SLCO3A1: variants seen among roughly 807,000 people sequenced by gnomAD.
The protein encoded by SLCO3A1 is PGE1 transporter.
SLCO3A1 carries 27 observed loss-of-function variants against 63.1 expected under a neutral mutation model. The ratio of observed to expected loss-of-function variants is 0.43; its 90% CI spans 0.32 to 0.59. SLCO3A1 has a LOEUF of 0.59. Ranked by LOEUF, SLCO3A1 falls within the 20% of genes least tolerant of loss-of-function variation. The pLI is 0.09. For synonymous variants in SLCO3A1, 473 were observed against 409.9 expected (o/e 1.15, Z -1.86); for missense variants, 773 against 945.8 (o/e 0.82, Z 2.40).
intron 2 of SLCO3A1, among the ~76,000 whole-genome samples, chr15:92,062,111 A>G (rs187749964): frequency 3.7e-4 from 57 of 152,350 alleles, no homozygotes; most frequent in African/African-American, 1.4e-3. Flanking sequence ...CACTGGGGAA[A>G]TCCAACTGAG....
intron 2 of SLCO3A1, among the ~76,000 whole-genome samples, chr15:92,008,834 A>G (rs1169872459): frequency 6.6e-6 from 1 of 152,240 alleles, no homozygotes; most frequent in Non-Finnish European, 1.5e-5. Context: ...AAATCCTTTC[A>G]AAAAGCAAAT....
At chr15:91,890,455 C>G (rs1295619967) in intron 1 of SLCO3A1, among the ~76,000 whole-genome samples, 1 of 152,186 alleles carries the variant, frequency 6.6e-6, no homozygotes, top group Non-Finnish European at 1.5e-5. Flanking sequence ...GATACCTACT[C>G]ATGACTGCCA....
chr15:92,104,430 C>T lies in SLCO3A1; in HGVS notation c.897C>T (p.Ser299=), dbSNP rs528252350. The T allele has an allele frequency of 8.9e-5, 144 of 1,614,166 alleles. 2 individuals carry two copies. In the South Asian group the frequency reaches 1.3e-3, roughly 14 times the overall value. Residue 299 remains serine (S), a synonymous_variant, in exon 4 of 10, where the codon AGC becomes AGT. Coordinates refer to ENST00000318445, the MANE Select transcript of SLCO3A1 (RefSeq NM_013272.4). ...LPPHSEPAME[S]EQAMLSEREY... is the part of the protein sequence containing the mutation. ...CGCACTCAGAGCCCGCCATGGAAAG[C>T]GAGCAGGCCATGCTCTCCGAAAGAG... is the stretch of plus-strand genomic sequence containing the variant.
chr15:92,110,716 G>A (rs1417701110), intron 4 of SLCO3A1, among the ~76,000 whole-genome samples: 2 of 131,488 alleles, frequency 1.5e-5, no homozygotes, highest in Non-Finnish European at 3.5e-5. Context: ...GCTTCATGAA[G>A]GCAGGGACTG....
intron 2 of SLCO3A1, among the ~76,000 whole-genome samples, chr15:92,029,457 G>A (rs115676576): frequency 0.012 from 1,844 of 152,284 alleles, 50 homozygotes; most frequent in African/African-American, 0.043. Context: ...TCTCCGTTCC[G>A]CATCTTTTAC....
At chr15:91,947,637 C>G (rs1899855043) in intron 2 of SLCO3A1, among the ~76,000 whole-genome samples, 1 of 152,204 alleles carries the variant, frequency 6.6e-6, no homozygotes, top group African/African-American at 2.4e-5. Flanking sequence ...GTTTAACCCA[C>G]TTGAGTGTTT....
intron 2 of SLCO3A1, among the ~76,000 whole-genome samples, chr15:91,947,805 C>G (rs926242739): frequency 3.9e-5 from 6 of 152,168 alleles, no homozygotes; most frequent in South Asian, 2.1e-4. Flanking sequence ...GTTAGTACCC[C>G]CTGCTTGGCC....
intron 2 of SLCO3A1, among the ~76,000 whole-genome samples, chr15:92,081,693 AGTCT>A (rs2151524273): frequency 6.6e-6 from 1 of 152,264 alleles, no homozygotes; most frequent in African/African-American, 2.4e-5. Flanking sequence ...TTAATGAGAA[AGTCT>A]GGTCAAGGGC....
intron 2 of SLCO3A1, among the ~76,000 whole-genome samples, chr15:91,992,325 C>T (rs536116255): frequency 5.9e-5 from 9 of 152,288 alleles, no homozygotes; most frequent in African/African-American, 2.2e-4. Flanking sequence ...TGAGCACTTC[C>T]ACCCAATATT....
At chr15:91,996,632 G>T (rs2046195402) in intron 2 of SLCO3A1, among the ~76,000 whole-genome samples, 1 of 152,062 alleles carries the variant, frequency 6.6e-6, no homozygotes, top group Non-Finnish European at 1.5e-5. Context: ...ATGTGGTATT[G>T]GCACAGGGAT....
intron 2 of SLCO3A1, among the ~76,000 whole-genome samples, chr15:91,970,901 G>A (rs910715767): frequency 6.6e-6 from 1 of 152,146 alleles, no homozygotes; most frequent in Non-Finnish European, 1.5e-5. Context: ...GTGTGTGTGT[G>A]TGCATGTGTG....
At chr15:91,990,416 A>T (rs2046111707) in intron 2 of SLCO3A1, among the ~76,000 whole-genome samples, 3 of 151,540 alleles carry the variant, frequency 2.0e-5, no homozygotes, top group Admixed American at 2.0e-4. Context: ...CCTACATTTC[A>T]CTCTCTCAGC....
Position 92,120,071 on chromosome 15 carries a change from A to G in SLCO3A1, c.1010-394A>G, listed in dbSNP as rs182032035. Among the ~76,000 whole-genome samples, 61 of 150,652 alleles carry G rather than the reference A, an allele frequency of 4.0e-4. 1 individual carries two copies. In the Middle Eastern group the frequency reaches 0.014, roughly 34 times the overall value. On this transcript the variant is annotated intron_variant, in intron 4 of 9. Coordinates refer to ENST00000318445, the MANE Select transcript of SLCO3A1 (RefSeq NM_013272.4). Reference sequence around the variant, plus strand: ...TATATTGATATTTATACTTTATTTTATATAAACACACACACACACACACAT... The same window carrying G: ...TATATTGATATTTATACTTTATTTTGTATAAACACACACACACACACACAT...
chr15:91,980,336 C>G (rs1301008213), intron 2 of SLCO3A1, among the ~76,000 whole-genome samples: 1 of 151,688 alleles, frequency 6.6e-6, no homozygotes, highest in African/African-American at 2.4e-5. Flanking sequence ...TAATACCTAG[C>G]CTTTTCGTTA....
intron 2 of SLCO3A1, among the ~76,000 whole-genome samples, chr15:92,084,230 G>T (rs1441716255): frequency 1.3e-5 from 2 of 151,736 alleles, no homozygotes; most frequent in Non-Finnish European, 3.0e-5. Context: ...TCTAAAAAAA[G>T]CAGAGTTTAC....
At chr15:91,979,367 A>G (rs182705008) in intron 2 of SLCO3A1, among the ~76,000 whole-genome samples, 1 of 152,256 alleles carries the variant, frequency 6.6e-6, no homozygotes, top group South Asian at 2.1e-4. Flanking sequence ...TGCTGACTGC[A>G]GTTTGACTGC....
chr15:92,005,945 C>T (rs941684395), intron 2 of SLCO3A1, among the ~76,000 whole-genome samples: 7 of 152,098 alleles, frequency 4.6e-5, no homozygotes, highest in African/African-American at 1.4e-4. Context: ...CTAACTCTCA[C>T]AGGAGGAATG....
At chr15:92,088,795 C>G (rs1302463667) in intron 2 of SLCO3A1, among the ~76,000 whole-genome samples, 1 of 152,180 alleles carries the variant, frequency 6.6e-6, no homozygotes, top group East Asian at 1.9e-4. Context: ...CGGACTCCCT[C>G]TTCACATTTA....
chr15:92,121,140 C>T (rs1174076452), intron 5 of SLCO3A1, among the ~76,000 whole-genome samples: 2 of 152,198 alleles, frequency 1.3e-5, no homozygotes, highest in Non-Finnish European at 2.9e-5. Flanking sequence ...TCATAGACTA[C>T]AGGTTTCTAC....
Sources: gnomAD v4.1 joint callset for allele counts (sites outside exome capture counted in the v4.1 genomes callset) on GRCh38, gnomAD v4.1.1 for gene constraint, MANE v1.5 for transcripts, NCBI Gene and HGNC (gene_info 2026-07-23, HGNC 2026-07-21) for gene names.